DCC: variants seen among roughly 807,000 people sequenced by gnomAD.
DCC encodes netrin receptor DCC.
DCC carries 58 observed loss-of-function variants against 172.5 expected under a neutral mutation model. The observed-to-expected ratio is 0.34, with a 90% CI of 0.27 to 0.42. DCC has a LOEUF of 0.42. DCC is among the 10% of genes least tolerant of loss of function. The probability of loss-of-function intolerance (pLI) is 1.00; values close to 1 mark genes in which losing one functional copy is unlikely to be tolerated. For synonymous variants in DCC, 709 were observed against 644.5 expected (o/e 1.10, Z -1.52); for missense variants, 1,740 against 1,791.0 (o/e 0.97, Z 0.51).
intron 12 of DCC, among the ~76,000 whole-genome samples, chr18:53,261,025 G>C (rs1396577261): frequency 6.6e-6 from 1 of 152,156 alleles, no homozygotes; most frequent in Non-Finnish European, 1.5e-5. Context: ...TAATCTCCTG[G>C]TGTGCCATTT....
chr18:53,232,794 G>C (rs867813886), intron 12 of DCC, among the ~76,000 whole-genome samples: 1 of 151,812 alleles, frequency 6.6e-6, no homozygotes, highest in African/African-American at 2.4e-5. Context: ...TCTTCTCCTC[G>C]AAGCGACTTT....
intron 5 of DCC, among the ~76,000 whole-genome samples, chr18:52,969,462 A>C (rs1037729731): frequency 6.6e-6 from 1 of 152,124 alleles, no homozygotes. Flanking sequence ...CAATCAGCCA[A>C]CAATGATTCT....
At chr18:52,935,062 C>T (rs2226773) in intron 5 of DCC, among the ~76,000 whole-genome samples, 59,758 of 151,968 alleles carry the variant, frequency 0.39, 12,350 homozygotes, top group Non-Finnish European at 0.47. Flanking sequence ...AGAACAACTG[C>T]TAAAAAGATT....
At chr18:52,480,862 A>G (rs1444044153) in intron 1 of DCC, among the ~76,000 whole-genome samples, 1 of 152,076 alleles carries the variant, frequency 6.6e-6, no homozygotes, top group Non-Finnish European at 1.5e-5. Context: ...TTTTTCAACA[A>G]TCTAATTCTA....
chr18:52,903,621 T>TA (rs541850373), intron 2 of DCC, among the ~76,000 whole-genome samples: 50 of 152,240 alleles, frequency 3.3e-4, no homozygotes, highest in Non-Finnish European at 5.7e-4. Context: ...CACCTACATA[T>TA]ATTAAATACA....
chr18:52,723,297 G>A (rs932574458), intron 1 of DCC, among the ~76,000 whole-genome samples: 2 of 152,110 alleles, frequency 1.3e-5, no homozygotes, highest in South Asian at 2.1e-4. Flanking sequence ...AAATGCAGCC[G>A]TAATAAATTA....
At chr18:53,377,947 G>C (rs901131214) in intron 15 of DCC, among the ~76,000 whole-genome samples, 9 of 152,010 alleles carry the variant, frequency 5.9e-5, no homozygotes, top group Admixed American at 5.9e-4. Context: ...GCTTTGCTCT[G>C]GTTTATTTAT....
chr18:53,450,710 G>A (rs1306924289), intron 23 of DCC, 48 bp downstream of exon 23: 1 of 1,499,198 alleles, frequency 6.7e-7, no homozygotes, highest in Admixed American at 1.7e-5. Context: ...TGTCTTTTGG[G>A]GTTATATTTT....
chr18:52,663,948 G>A (rs1427305985), intron 1 of DCC, among the ~76,000 whole-genome samples: 1 of 151,812 alleles, frequency 6.6e-6, no homozygotes, highest in Non-Finnish European at 1.5e-5. Flanking sequence ...ATAGTAGAAA[G>A]TCATTTAACA....
chr18:52,528,247 T>A (rs1205190008), intron 1 of DCC, among the ~76,000 whole-genome samples: 1 of 152,214 alleles, frequency 6.6e-6, no homozygotes, highest in Non-Finnish European at 1.5e-5. Context: ...ACTTGTTGCA[T>A]GAGTTATAAC....
At chr18:52,708,532 G>A (rs138843235) in intron 1 of DCC, among the ~76,000 whole-genome samples, 2 of 152,056 alleles carry the variant, frequency 1.3e-5, no homozygotes, top group African/African-American at 4.8e-5. Flanking sequence ...AATAACAGAG[G>A]CCAAAGGCAA....
intron 8 of DCC, among the ~76,000 whole-genome samples, chr18:53,172,181 G>A (rs1463844784): frequency 2.6e-5 from 4 of 152,184 alleles, no homozygotes; most frequent in Non-Finnish European, 1.5e-5. Context: ...CAACACGGAT[G>A]TAGTTGGAGG....
At chr18:53,226,934 G>GTGTGTATATATATATATA (rs34949557) in intron 12 of DCC, among the ~76,000 whole-genome samples, 34 of 68,122 alleles carry the variant, frequency 5.0e-4, no homozygotes, top group Non-Finnish European at 7.7e-4. Context: ...GTGTGTGTGT[G>GTGTGTATATATATATATA]TATATATATA....
rs200398955 is a variant in DCC at position 53,307,701 on chromosome 18, G to A, written c.2053+1982G>A. 6.7e-4 allele frequency among the ~76,000 whole-genome samples: 101 copies of A among 151,470 alleles called. 1 individual carries two copies. In the East Asian group the frequency reaches 9.3e-3, roughly 14 times the overall value. On this transcript the variant is annotated intron_variant, in intron 13 of 28. Transcript: ENST00000442544. ...ACGCAGCCAATAAAGATGATAAAAT[G>A]TTCAATCTCATTAGCAAATAGAGAA...
intron 2 of DCC, among the ~76,000 whole-genome samples, chr18:52,792,824 T>TTGATTCA (rs2037800480): frequency 2.2e-5 from 3 of 137,176 alleles, no homozygotes; most frequent in Non-Finnish European, 4.9e-5. Context: ...AATTCCATTC[T>TTGATTCA]ATTCCATTCT....
rs2042328289 is a variant in DCC, at chr18:53,051,104, C to T, written c.986-12201C>T. On this transcript the variant is annotated intron_variant, in intron 5 of 28. Transcript: ENST00000442544. ...CATTTGCCAAGCATGGTGGCGTGCG[C>T]CTGTAATCTCAGCTACTCAGGAGAG... Among the ~76,000 whole-genome samples, 5 of 151,986 alleles carry T rather than the reference C, an allele frequency of 3.3e-5. No individual in the cohort carries two copies. In the South Asian group the frequency reaches 8.3e-4, roughly 25 times the overall value.
intron 1 of DCC, among the ~76,000 whole-genome samples, chr18:52,616,096 A>C (rs1231616838): frequency 4.6e-5 from 7 of 152,152 alleles, no homozygotes; most frequent in African/African-American, 1.7e-4. Context: ...TGTCAGAATC[A>C]AGAAACTGAA....
At chr18:52,745,654 C>A (rs965992386) in intron 1 of DCC, among the ~76,000 whole-genome samples, 1 of 152,176 alleles carries the variant, frequency 6.6e-6, no homozygotes, top group Non-Finnish European at 1.5e-5. Context: ...CATTCAAAAT[C>A]ATTTCTTCCA....
At chr18:52,747,634 C>G (rs2036925900) in intron 1 of DCC, among the ~76,000 whole-genome samples, 1 of 152,184 alleles carries the variant, frequency 6.6e-6, no homozygotes. Context: ...TTGTCTTCTT[C>G]AGTTTTATCA....
Sources: gnomAD v4.1 joint callset for allele counts (sites outside exome capture counted in the v4.1 genomes callset) on GRCh38, gnomAD v4.1.1 for gene constraint, MANE v1.5 for transcripts, NCBI Gene and HGNC (gene_info 2026-07-23, HGNC 2026-07-21) for gene names.